Variants in SLC12A2 observed in about 807,000 individuals in gnomAD.
The protein encoded by SLC12A2 is solute carrier family 12 member 2, also known as Na-K-2Cl cotransporter 1.
In SLC12A2, 67 loss-of-function variants were observed where a neutral mutation model predicts 136.3. The ratio of observed to expected loss-of-function variants is 0.49; its 90% CI spans 0.40 to 0.60. SLC12A2 has a LOEUF of 0.60. Among genes scored for constraint, SLC12A2 ranks in the 20% least tolerant of loss-of-function variants. The probability of loss-of-function intolerance (pLI) is 0.00; values close to 1 mark genes in which losing one functional copy is unlikely to be tolerated. For synonymous variants in SLC12A2, 619 were observed against 562.9 expected (o/e 1.10, Z -1.41); for missense variants, 1,322 against 1,534.7 (o/e 0.86, Z 2.32).
chr5:128,116,409 ATATATATATC>A (rs1345845052), intron 4 of SLC12A2, among the ~76,000 whole-genome samples: 3 of 148,880 alleles, frequency 2.0e-5, no homozygotes, highest in Non-Finnish European at 4.5e-5. Context: ...ATATATATAT[ATATATATATC>A]TCTTTACAAA....
intron 2 of SLC12A2, 126 bp from the exon 3 acceptor site, chr5:128,114,086 T>C: frequency 1.4e-6 from 1 of 695,240 alleles, no homozygotes; most frequent in Non-Finnish European, 2.5e-6. Context: ...GGGTAGGAGT[T>C]AGATTTAAAA....
chr5:128,172,170 A>G (rs995280069), intron 19 of SLC12A2, among the ~76,000 whole-genome samples: 3 of 152,242 alleles, frequency 2.0e-5, no homozygotes, highest in Non-Finnish European at 2.9e-5. Flanking sequence ...AACGTTTTCT[A>G]TCTTCAGCAG....
intron 1 of SLC12A2, among the ~76,000 whole-genome samples, chr5:128,108,983 T>A (rs1399106539): frequency 6.6e-6 from 1 of 152,172 alleles, no homozygotes; most frequent in Non-Finnish European, 1.5e-5. Context: ...TGTTTTAGGA[T>A]CTCTTTTGAA....
chr5:128,106,578 G>A (rs377634112), intron 1 of SLC12A2, among the ~76,000 whole-genome samples: 1 of 152,144 alleles, frequency 6.6e-6, no homozygotes, highest in East Asian at 1.9e-4. Context: ...TTTTATTGTA[G>A]AGATAACTAA....
At chr5:128,184,060 T>C (rs1249967684) in intron 24 of SLC12A2, among the ~76,000 whole-genome samples, 2 of 152,100 alleles carry the variant, frequency 1.3e-5, no homozygotes, top group East Asian at 3.8e-4. Context: ...AATGTTCCAC[T>C]GAGCATTTCC....
chr5:128,181,015 A>C, intron 23 of SLC12A2, 21 bp downstream of exon 23: 1 of 1,369,140 alleles, frequency 7.3e-7, no homozygotes, highest in Non-Finnish European at 1.0e-6. Context: ...TTCACATTGA[A>C]GGGCATGAAT....
chr5:128,139,400 A>G (rs1762288136), intron 9 of SLC12A2, among the ~76,000 whole-genome samples: 1 of 152,164 alleles, frequency 6.6e-6, no homozygotes, highest in Non-Finnish European at 1.5e-5. Context: ...AAGTTTTACT[A>G]AATTCTTAGT....
intron 10 of SLC12A2, 32 bp downstream of exon 10, chr5:128,142,013 C>G (rs1762382561): frequency 6.3e-7 from 1 of 1,582,652 alleles, no homozygotes; most frequent in African/African-American, 1.3e-5. Context: ...TACAGACATT[C>G]TGTATTTATC....
rs533140399 is a variant in SLC12A2 at position 128,105,255 on chromosome 5, C to T, written c.757-7559C>T. 1.1e-4 allele frequency among the ~76,000 whole-genome samples: 17 copies of T among 152,246 alleles called. 1 individual carries two copies. Among genetic ancestry groups the T allele is most frequent in the African/African-American group, 3.1e-4 (13 of 41,524 alleles). Reference sequence around the variant, plus strand: ...TCACAAAAGAGGACTGAACCTAAGCCGTCACTTACGACTTAACACATATAC... The same window carrying T: ...TCACAAAAGAGGACTGAACCTAAGCTGTCACTTACGACTTAACACATATAC... On this transcript the variant is annotated intron_variant, in intron 1 of 26. Coordinates refer to ENST00000262461, the MANE Select transcript of SLC12A2 (RefSeq NM_001046.3).
At chr5:128,179,752 C>T (rs968921569) in intron 22 of SLC12A2, among the ~76,000 whole-genome samples, 1 of 152,008 alleles carries the variant, frequency 6.6e-6, no homozygotes, top group Admixed American at 6.6e-5. Context: ...GATCCAAACA[C>T]CTCCCACTAA....
At chr5:128,120,748 C>G (rs1048843414) in intron 4 of SLC12A2, among the ~76,000 whole-genome samples, 1 of 151,976 alleles carries the variant, frequency 6.6e-6, no homozygotes, top group African/African-American at 2.4e-5. Flanking sequence ...TTAGGAGATA[C>G]ACCTAATGCT....
chr5:128,138,509 G>C lies in SLC12A2; in HGVS notation c.1409-88G>C, dbSNP rs1049745296. 8.6e-6 allele frequency: 10 copies of C among 1,162,270 alleles called. No homozygotes were observed. The African/African-American group carries it at 1.4e-4, about 16-fold the overall frequency. The allele number at this position is 1,162,270 out of a possible 1,614,324, so 72.0% of individuals were successfully genotyped here. A position where few individuals can be genotyped will look rare whatever the true frequency, so the allele number is the denominator to read the frequency against. On this transcript the variant is annotated intron_variant, in intron 7 of 26. Transcript: ENST00000262461. ...GTTACTTTAACTGAAGAAAAGTTAG[G>C]GGTCATGTATACCTATTATTCTTGA... is the stretch of plus-strand genomic sequence containing the variant.
chr5:128,109,696 G>C, intron 1 of SLC12A2: 2 of 1,151,178 alleles, frequency 1.7e-6, no homozygotes, highest in Middle Eastern at 2.0e-4. Context: ...AAGTCTTCCA[G>C]GTGAAAGTCC....
intron 26 of SLC12A2, 102 bp from the exon 27 acceptor site, chr5:128,186,394 A>G: frequency 8.9e-7 from 1 of 1,123,716 alleles, no homozygotes; most frequent in Non-Finnish European, 1.3e-6. Flanking sequence ...AGTAATTTAC[A>G]GTAACTGTTA....
intron 18 of SLC12A2, chr5:128,168,099 C>A (rs909171330): frequency 3.8e-5 from 13 of 345,764 alleles, no homozygotes; most frequent in Non-Finnish European, 4.1e-5. Flanking sequence ...CACACACACA[C>A]ACATATATGT....
chr5:128,112,999 T>C, intron 2 of SLC12A2, 66 bp downstream of exon 2: 1 of 1,355,146 alleles, frequency 7.4e-7, no homozygotes, highest in Non-Finnish European at 9.9e-7. Flanking sequence ...CTTCCTAACG[T>C]TCTCATCAGT....
chr5:128,119,115 A>AG (rs34055268), intron 4 of SLC12A2, among the ~76,000 whole-genome samples: 52,782 of 151,874 alleles, frequency 0.35, 11,866 homozygotes, highest in African/African-American at 0.64. Context: ...TCAACTGCTA[A>AG]GATTTGATTT....
Position 128,152,801 on chromosome 5 carries a change from T to C in SLC12A2, c.2359T>C (p.Phe787Leu), listed in dbSNP as rs1439114183. Residue 787 changes from phenylalanine to leucine, a missense_variant, in exon 15 of 27, where the codon TTT becomes CTT. Transcript: ENST00000262461. ...LSGVEDHVKN[F>L]RPQCLVMTGA... is the part of the protein sequence containing the mutation. ...TGGAGTGGAAGACCACGTGAAAAAC[T>C]TTAGGTAAGTGATAAAGAAGGAAAC... 1 of 1,592,278 alleles carries C rather than the reference T, an allele frequency of 6.3e-7. No homozygotes were observed. The highest frequency in any genetic ancestry group is 1.3e-5 in the African/African-American group (1 of 74,420).
chr5:128,171,636 GT>G, intron 18 of SLC12A2, 30 bp from the exon 19 acceptor site: 1 of 1,442,028 alleles, frequency 6.9e-7, no homozygotes, highest in East Asian at 2.3e-5. Context: ...TTTTTTTTTG[GT>G]TTTTTCATTT....
Sources: allele counts gnomAD v4.1 joint callset (sites outside exome capture counted in the v4.1 genomes callset), GRCh38; gene constraint gnomAD v4.1.1; transcripts MANE v1.5; gene names NCBI Gene and HGNC (gene_info 2026-07-23, HGNC 2026-07-21).